RGS7BP: variants seen among roughly 807,000 people sequenced by gnomAD.
RGS7BP encodes the protein regulator of G protein signaling 7 binding protein.
In RGS7BP, 9 loss-of-function variants were observed where a neutral mutation model predicts 31.3. That is an observed-to-expected ratio of 0.29 (90% confidence interval 0.17 to 0.50). The LOEUF (loss-of-function observed/expected upper bound fraction) is 0.50. Among genes scored for constraint, RGS7BP ranks in the 20% least tolerant of loss-of-function variants. RGS7BP has a pLI of 0.98. For missense variants in RGS7BP, 274 were observed against 322.0 expected, an observed-to-expected ratio of 0.85 and a Z score of 1.14; for synonymous variants, 115 against 120.1, an observed-to-expected ratio of 0.96 and a Z score of 0.28.
At chr5:64,587,325 A>G (rs1011653794) in intron 3 of RGS7BP, among the ~76,000 whole-genome samples, 2 of 152,208 alleles carry the variant, frequency 1.3e-5, no homozygotes, top group Admixed American at 1.3e-4. Flanking sequence ...TGTCAAAGCT[A>G]AAAAGCAATT....
intron 5 of RGS7BP, among the ~76,000 whole-genome samples, chr5:64,608,682 G>C (rs968507008): frequency 1.3e-5 from 2 of 151,988 alleles, no homozygotes; most frequent in African/African-American, 4.8e-5. Context: ...CTATTTTACA[G>C]ACAGCTTAGC....
intron 2 of RGS7BP, among the ~76,000 whole-genome samples, chr5:64,568,852 A>C (rs10072310): frequency 0.81 from 119,509 of 147,564 alleles, 48,716 homozygotes; most frequent in Admixed American, 0.84. Context: ...AAAAAAGTGA[A>C]TAAAGTGCTT....
chr5:64,609,193 C>G lies in RGS7BP; in HGVS notation c.715C>G (p.Pro239Ala). 1 of 1,611,366 alleles carries G rather than the reference C, an allele frequency of 6.2e-7. No individual in the cohort carries two copies. The highest frequency in any genetic ancestry group is 8.5e-7 in the Non-Finnish European group (1 of 1,177,852). The change falls in exon 6 of 6, where the codon CCC (proline) becomes GCC (alanine). Residue 239 changes from proline to alanine, a missense_variant. By Grantham distance (27) the Pro-to-Ala change is conservative. This residue lies in a region of RGS7BP where 112 missense variants were observed against 130.9 expected (regional missense o/e 0.86). Transcript: ENST00000334025. ...CAGCCTTCTGAATCTAACTCCCTAC[C>G]CCCTGGTGAGAAGACGGAAGAGAAG... is the stretch of plus-strand genomic sequence containing the variant. ...DSSLLNLTPY[P>A]LVRRRKRRFF...
intron 5 of RGS7BP, chr5:64,601,307 A>G (rs749627173): frequency 2.4e-5 from 5 of 204,798 alleles, no homozygotes; most frequent in Non-Finnish European, 3.4e-5. Context: ...TGAGTCCGCT[A>G]TTCTCCAGGT....
intron 2 of RGS7BP, among the ~76,000 whole-genome samples, chr5:64,540,670 C>A (rs1741505214): frequency 6.6e-6 from 1 of 152,042 alleles, no homozygotes; most frequent in African/African-American, 2.4e-5. Flanking sequence ...CTCTGGGAAC[C>A]AGACACTGAG....
chr5:64,526,088 G>A (rs190688277), intron 2 of RGS7BP, among the ~76,000 whole-genome samples: 181 of 152,314 alleles, frequency 1.2e-3, no homozygotes, highest in African/African-American at 4.2e-3. Flanking sequence ...GACAAGGGAA[G>A]AAGGCTTTAT....
intron 3 of RGS7BP, among the ~76,000 whole-genome samples, chr5:64,591,171 G>C (rs182018571): frequency 7.1e-4 from 108 of 152,152 alleles, no homozygotes; most frequent in African/African-American, 2.5e-3. Flanking sequence ...CCATTATATG[G>C]AGAGAACCCC....
intron 4 of RGS7BP, 72 bp downstream of exon 4, chr5:64,594,929 C>A: frequency 2.0e-6 from 3 of 1,489,654 alleles, no homozygotes; most frequent in South Asian, 2.4e-5. Context: ...CACAGAGAGA[C>A]GAGGTTTTCT....
At chr5:64,598,220 A>G in intron 4 of RGS7BP, 145 bp from the exon 5 acceptor site, 2 of 590,042 alleles carry the variant, frequency 3.4e-6, no homozygotes, top group South Asian at 4.5e-5. Context: ...AAAGCAAAAT[A>G]AATTCAATAT....
intron 2 of RGS7BP, among the ~76,000 whole-genome samples, chr5:64,515,192 C>G (rs958338714): frequency 2.6e-5 from 4 of 152,066 alleles, no homozygotes; most frequent in Non-Finnish European, 4.4e-5. Flanking sequence ...TAAAAGAAGC[C>G]ATGTCTTGAT....
At chr5:64,561,792 A>G (rs1429497288) in intron 2 of RGS7BP, among the ~76,000 whole-genome samples, 1 of 151,846 alleles carries the variant, frequency 6.6e-6, no homozygotes, top group African/African-American at 2.4e-5. Flanking sequence ...TAATGTCTCT[A>G]TTGGAGAGAC....
intron 2 of RGS7BP, among the ~76,000 whole-genome samples, chr5:64,569,810 A>T (rs927395210): frequency 9.2e-5 from 14 of 152,156 alleles, no homozygotes; most frequent in African/African-American, 3.4e-4. Flanking sequence ...CTCCTTGGAG[A>T]AGTCATTTAA....
At position 64,611,693 on chromosome 5, in the gene RGS7BP, A is replaced by G. The variant is rs1743507556; in HGVS notation, c.*2441A>G. ...TTGTAGTTCCCGTGGATAAACTCCA[A>G]GATCTAAAGATCCTCTTTCAGTAGC... is the stretch of plus-strand genomic sequence containing the variant. On this transcript the variant is annotated 3_prime_UTR_variant, in exon 6 of 6. Coordinates refer to ENST00000334025, the MANE Select transcript of RGS7BP (RefSeq NM_001029875.3). 6.6e-6 allele frequency: 1 copy of G among 152,248 alleles called. No homozygotes were observed. Among genetic ancestry groups the G allele is most frequent in the Admixed American group, 6.6e-5 (1 of 15,182 alleles). The allele number at this position is 152,248 out of a possible 1,614,324, so 9.4% of individuals were successfully genotyped here.
chr5:64,569,090 T>C lies in RGS7BP; in HGVS notation c.333-6684T>C, dbSNP rs139260181. Among the ~76,000 whole-genome samples the C allele has an allele frequency of 1.7e-3, 252 of 152,288 alleles. 1 individual carries two copies. Among genetic ancestry groups the C allele is most frequent in the African/African-American group, 5.8e-3 (243 of 41,574 alleles). ...CATTGCACTTCAGGTTCCCCTTTAC[T>C]TTCAAAAGTCAAGTTTTATTTCTGA... On this transcript the variant is annotated intron_variant, in intron 2 of 5. Coordinates refer to ENST00000334025, the MANE Select transcript of RGS7BP (RefSeq NM_001029875.3).
chr5:64,571,072 G>T (rs1015401849), intron 2 of RGS7BP, among the ~76,000 whole-genome samples: 8 of 151,940 alleles, frequency 5.3e-5, no homozygotes, highest in African/African-American at 1.7e-4. Context: ...CCTCACCCCA[G>T]AAAGTTCACT....
intron 2 of RGS7BP, among the ~76,000 whole-genome samples, chr5:64,535,934 T>C (rs548517789): frequency 3.5e-4 from 54 of 152,296 alleles, no homozygotes; most frequent in Admixed American, 7.8e-4. Context: ...TGAAAAGACT[T>C]AGTTGTCTGG....
chr5:64,559,873 C>A (rs16892838), intron 2 of RGS7BP, among the ~76,000 whole-genome samples: 31,356 of 152,040 alleles, frequency 0.21, 3,981 homozygotes, highest in South Asian at 0.34. Context: ...AAAAAAATAA[C>A]TTGTCCACTA....
At chr5:64,513,350 TCTC>T (rs1475719600) in intron 2 of RGS7BP, among the ~76,000 whole-genome samples, 1 of 152,102 alleles carries the variant, frequency 6.6e-6, no homozygotes, top group East Asian at 1.9e-4. Context: ...TTCTCTTCCT[TCTC>T]CTCCTCCTGC....
chr5:64,577,015 A>G (rs1401493002), intron 3 of RGS7BP, among the ~76,000 whole-genome samples: 1 of 152,178 alleles, frequency 6.6e-6, no homozygotes, highest in Admixed American at 6.5e-5. Context: ...TAGGGTTCTG[A>G]AGGTAGGGTT....
Sources: gnomAD v4.1 joint callset for allele counts (sites outside exome capture counted in the v4.1 genomes callset) on GRCh38, gnomAD v4.1.1 for gene constraint, gnomAD v4.1.1 regional missense constraint, MANE v1.5 for transcripts, NCBI Gene and HGNC (gene_info 2026-07-23, HGNC 2026-07-21) for gene names.